Variants in CDH18 observed in about 807,000 individuals in gnomAD.
CDH18 encodes cadherin 18, also known as cadherin-18.
CDH18 carries 31 observed loss-of-function variants against 67.9 expected under a neutral mutation model. The observed-to-expected ratio is 0.46, with a 90% confidence interval of 0.34 to 0.62. CDH18 has a LOEUF of 0.62. CDH18 is among the 20% of genes least tolerant of loss of function. The pLI is 0.01. For missense variants in CDH18, 890 were observed against 975.5 expected (o/e 0.91, Z 1.17); for synonymous variants, 362 against 347.2 (o/e 1.04, Z -0.48).
At chr5:19,697,875 T>G (rs1408475928) in intron 5 of CDH18, among the ~76,000 whole-genome samples, 4 of 152,154 alleles carry the variant, frequency 2.6e-5, no homozygotes, top group African/African-American at 9.7e-5. Flanking sequence ...GGGATCCACC[T>G]CTATCCTCTT....
chr5:20,246,495 A>G (rs748510018), intron 2 of CDH18, among the ~76,000 whole-genome samples: 2 of 152,226 alleles, frequency 1.3e-5, no homozygotes, highest in Non-Finnish European at 2.9e-5. Context: ...AAATTCATAA[A>G]GAAGCAACAT....
intron 2 of CDH18, among the ~76,000 whole-genome samples, chr5:20,096,916 T>TA (rs1746035680): frequency 6.6e-6 from 1 of 152,164 alleles, no homozygotes; most frequent in South Asian, 2.1e-4. Flanking sequence ...AGAGTCACTT[T>TA]ACATGTAGGA....
chr5:19,643,808 A>G (rs1297531103), intron 5 of CDH18, among the ~76,000 whole-genome samples: 1 of 152,194 alleles, frequency 6.6e-6, no homozygotes, highest in Non-Finnish European at 1.5e-5. Flanking sequence ...TCAAAATTTG[A>G]TAAGATGATA....
intron 5 of CDH18, among the ~76,000 whole-genome samples, chr5:19,632,427 C>G (rs1264516687): frequency 6.6e-6 from 1 of 152,192 alleles, no homozygotes; most frequent in Non-Finnish European, 1.5e-5. Context: ...CACAGGTTGA[C>G]TACTCCACAC....
chr5:19,948,570 T>C (rs1036261938), intron 2 of CDH18, among the ~76,000 whole-genome samples: 4 of 152,218 alleles, frequency 2.6e-5, no homozygotes, highest in Non-Finnish European at 4.4e-5. Context: ...AGGCTTGTGC[T>C]AGGGCAGTTC....
chr5:20,355,101 G>T (rs1181235887), intron 1 of CDH18, among the ~76,000 whole-genome samples: 2 of 152,194 alleles, frequency 1.3e-5, no homozygotes, highest in Non-Finnish European at 2.9e-5. Context: ...TGGTGTAAAT[G>T]TTCTCCCAGA....
At chr5:20,372,358 C>T (rs1580851259) in intron 1 of CDH18, among the ~76,000 whole-genome samples, 2 of 151,718 alleles carry the variant, frequency 1.3e-5, no homozygotes, top group Non-Finnish European at 1.5e-5. Flanking sequence ...CATTAAAATT[C>T]TTCTCTTCCA....
chr5:20,062,625 T>A (rs1742600576), intron 2 of CDH18, among the ~76,000 whole-genome samples: 1 of 152,186 alleles, frequency 6.6e-6, no homozygotes, highest in South Asian at 2.1e-4. Context: ...CTAATGGAGA[T>A]GGCACTGATT....
chr5:19,756,847 T>A (rs965606083), intron 3 of CDH18, among the ~76,000 whole-genome samples: 1 of 152,214 alleles, frequency 6.6e-6, no homozygotes, highest in Non-Finnish European at 1.5e-5. Flanking sequence ...AGATGGTGTG[T>A]GTTGCCACTT....
intron 1 of CDH18, among the ~76,000 whole-genome samples, chr5:20,522,497 T>C (rs2126525902): frequency 1.3e-5 from 2 of 152,296 alleles, no homozygotes; most frequent in South Asian, 4.1e-4. Flanking sequence ...AATATATTTC[T>C]TCAGCAACAG....
At position 19,483,385 on chromosome 5, in the gene CDH18, A is replaced by C. The variant is rs1739808989; in HGVS notation, c.1798T>G (p.Cys600Gly). 2 of 1,614,134 alleles carry C rather than the reference A, an allele frequency of 1.2e-6. No homozygotes were observed. Among genetic ancestry groups the C allele is most frequent in the Non-Finnish European group, 1.7e-6 (2 of 1,180,018 alleles). ...GAGGACAGGAAGGCTTCTGCATGGC[A>C]GGTCCGCACACGCCCATCTCTCTCG... ...ACERDGRVRT[C>G]HAEAFLSSAG... The change falls in exon 12 of 13, where the codon TGC becomes GGC. Residue 600 changes from cysteine (C) to glycine (G), a missense_variant. Around this residue, in one of 2 missense-constraint regions of CDH18, gnomAD observed 656 missense variants for 668.1 expected, o/e 0.98. Coordinates refer to ENST00000382275, the MANE Select transcript of CDH18 (RefSeq NM_004934.5).
At chr5:19,932,735 CT>C (rs368243791) in intron 2 of CDH18, among the ~76,000 whole-genome samples, 2 of 151,434 alleles carry the variant, frequency 1.3e-5, no homozygotes, top group Non-Finnish European at 3.0e-5. Context: ...TCCTGTCTGC[CT>C]TTTTTTCTTC....
intron 2 of CDH18, among the ~76,000 whole-genome samples, chr5:20,247,940 G>A (rs1431900830): frequency 1.3e-5 from 2 of 151,996 alleles, no homozygotes; most frequent in African/African-American, 4.8e-5. Flanking sequence ...AAATTTATGA[G>A]AAAATTTGCA....
intron 1 of CDH18, among the ~76,000 whole-genome samples, chr5:20,296,924 A>C (rs1432825048): frequency 6.6e-6 from 1 of 151,846 alleles, no homozygotes; most frequent in Non-Finnish European, 1.5e-5. Flanking sequence ...TATGTTACTC[A>C]ATACAGATTC....
chr5:20,418,374 C>T (rs535076108), intron 1 of CDH18, among the ~76,000 whole-genome samples: 1 of 151,376 alleles, frequency 6.6e-6, no homozygotes, highest in Admixed American at 6.6e-5. Context: ...AGCCACCACG[C>T]CCGGCCAAGA....
chr5:20,513,291 C>T (rs1755157643), intron 1 of CDH18, among the ~76,000 whole-genome samples: 1 of 152,094 alleles, frequency 6.6e-6, no homozygotes, highest in South Asian at 2.1e-4. Flanking sequence ...GCTTAAATTA[C>T]AGCAAAACAT....
intron 2 of CDH18, among the ~76,000 whole-genome samples, chr5:20,086,912 A>G (rs1433277925): frequency 6.6e-6 from 1 of 152,154 alleles, no homozygotes; most frequent in East Asian, 1.9e-4. Context: ...TAATTTTTTG[A>G]TAGTTCAGTC....
At chr5:20,231,062 T>C (rs1208780277) in intron 2 of CDH18, among the ~76,000 whole-genome samples, 1 of 152,230 alleles carries the variant, frequency 6.6e-6, no homozygotes, top group East Asian at 1.9e-4. Flanking sequence ...TTGGTAGGTA[T>C]GATAGTAAGC....
At chr5:20,231,902 G>A (rs1018736674) in intron 2 of CDH18, among the ~76,000 whole-genome samples, 3 of 151,912 alleles carry the variant, frequency 2.0e-5, no homozygotes, top group East Asian at 3.9e-4. Context: ...TATAGTAATA[G>A]TAACTTTTAA....
Sources: gnomAD v4.1 joint callset for allele counts (sites outside exome capture counted in the v4.1 genomes callset) on GRCh38, gnomAD v4.1.1 for gene constraint, gnomAD v4.1.1 regional missense constraint, MANE v1.5 for transcripts, NCBI Gene and HGNC (gene_info 2026-07-23, HGNC 2026-07-21) for gene names.